The following GLIS3 variants were observed in gnomAD, a reference collection of about 807,000 sequenced individuals.
The protein encoded by GLIS3 is zinc finger protein GLIS3.
In GLIS3, 53 loss-of-function variants were observed where a neutral mutation model predicts 78.6. The observed-to-expected ratio is 0.67, with a 90% confidence interval of 0.54 to 0.85. The LOEUF is 0.85. Among genes scored for constraint, GLIS3 ranks in the 40% least tolerant of loss-of-function variants. The pLI is 0.00. For missense variants in GLIS3, 1,703 were observed against 1,231.1 expected (o/e 1.38, Z -5.74); for synonymous variants, 684 against 509.9 (o/e 1.34, Z -4.60).
intron 2 of GLIS3, among the ~76,000 whole-genome samples, chr9:4,184,588 G>C (rs1817604935): frequency 6.6e-6 from 1 of 152,182 alleles, no homozygotes; most frequent in East Asian, 1.9e-4. Flanking sequence ...CAATGTGTTT[G>C]CTTAAAAGAG....
chr9:4,006,329 A>C (rs1000197152), intron 4 of GLIS3, among the ~76,000 whole-genome samples: 2 of 150,098 alleles, frequency 1.3e-5, no homozygotes, highest in Admixed American at 1.3e-4. Flanking sequence ...AAAAAAAAAA[A>C]CTAGAGTATT....
At chr9:4,136,023 C>G (rs7870193) in intron 2 of GLIS3, among the ~76,000 whole-genome samples, 3 of 151,946 alleles carry the variant, frequency 2.0e-5, no homozygotes, top group Non-Finnish European at 4.4e-5. Flanking sequence ...GGCTAAATGG[C>G]TACGAACACC....
At chr9:4,044,420 A>T (rs999280922) in intron 4 of GLIS3, among the ~76,000 whole-genome samples, 1 of 152,182 alleles carries the variant, frequency 6.6e-6, no homozygotes, top group African/African-American at 2.4e-5. Flanking sequence ...AAATTAACAC[A>T]TAGTCTCTCT....
intron 2 of GLIS3, among the ~76,000 whole-genome samples, chr9:4,265,502 G>A (rs925646576): frequency 1.3e-5 from 2 of 152,076 alleles, no homozygotes; most frequent in East Asian, 1.9e-4. Flanking sequence ...ACTATGCTGT[G>A]CTATATACTG....
At chr9:3,974,092 G>A (rs1396578710) in intron 4 of GLIS3, among the ~76,000 whole-genome samples, 2 of 152,140 alleles carry the variant, frequency 1.3e-5, no homozygotes, top group African/African-American at 4.8e-5. Flanking sequence ...CAAGTGAGAT[G>A]TGTAAAGCTC....
chr9:4,151,486 G>A (rs1434961966), intron 2 of GLIS3, among the ~76,000 whole-genome samples: 2 of 152,158 alleles, frequency 1.3e-5, no homozygotes, highest in African/African-American at 4.8e-5. Context: ...TTAGAAAGGG[G>A]GAAAGTCTAA....
At chr9:4,374,882 T>C in the GLIS3 span, among the ~76,000 whole-genome samples, 35 of 152,246 alleles carry the variant, frequency 2.3e-4, no homozygotes, top group Non-Finnish European at 2.8e-4. Context: ...TATTTTGCCA[T>C]CCATTTTTTT....
chr9:3,973,963 A>G (rs1366396077), intron 4 of GLIS3, among the ~76,000 whole-genome samples: 2 of 152,164 alleles, frequency 1.3e-5, no homozygotes, highest in Admixed American at 1.3e-4. Flanking sequence ...AGATTTCTTA[A>G]AAGAAAATTC....
the GLIS3 span, among the ~76,000 whole-genome samples, chr9:4,390,288 T>C: frequency 1.3e-5 from 2 of 152,250 alleles, 1 homozygote; most frequent in East Asian, 3.8e-4. Flanking sequence ...TACTTTGCAC[T>C]ATGTGCAGGA....
At position 4,114,293 on chromosome 9, in the gene GLIS3, C is replaced by T. The variant is rs116070692; in HGVS notation, c.1710+3475G>A. Among the ~76,000 whole-genome samples the T allele has an allele frequency of 7.7e-3, 1,169 of 152,208 alleles. 17 individuals carry two copies. Among genetic ancestry groups the T allele is most frequent in the African/African-American group, 0.027 (1,115 of 41,530 alleles). On this transcript the variant is annotated intron_variant, in intron 4 of 10. Coordinates refer to ENST00000381971, the MANE Select transcript of GLIS3 (RefSeq NM_001042413.2). The stretch of plus-strand genomic sequence containing the variant: ...ATGGTAAAAAGATCTACAGTACAAA[C>T]GTTCTCAGGGTGCACTCTGTTGGAA...
rs74882060 is a variant in GLIS3, at chr9:4,234,239, T to C, written c.388+51799A>G. Among the ~76,000 whole-genome samples, 530 of 152,328 alleles carry C rather than the reference T, an allele frequency of 3.5e-3. 4 individuals carry two copies. The highest frequency in any genetic ancestry group is 0.012 in the African/African-American group (498 of 41,574). ...CAACTTGGCTAAATGTTTGACACAA[T>C]TGGTTTTAGACATGCCTTCCTCAAT... On this transcript the variant is annotated intron_variant, in intron 2 of 10. Transcript: ENST00000381971.
At chr9:4,173,597 CACACAT>C (rs1343954099) in intron 2 of GLIS3, among the ~76,000 whole-genome samples, 29 of 108,414 alleles carry the variant, frequency 2.7e-4, no homozygotes, top group East Asian at 1.5e-3. Context: ...CACACACACA[CACACAT>C]ATATATGTTT....
At chr9:4,332,334 C>G (rs938829515) in intron 2 of GLIS3, among the ~76,000 whole-genome samples, 2 of 152,216 alleles carry the variant, frequency 1.3e-5, no homozygotes, top group African/African-American at 4.8e-5. Context: ...TCATTACCCA[C>G]TATCACCTTC....
At chr9:4,087,281 C>T (rs10283679) in intron 4 of GLIS3, among the ~76,000 whole-genome samples, 67,562 of 151,900 alleles carry the variant, frequency 0.44, 15,018 homozygotes, top group African/African-American at 0.47. Context: ...CATGGATAAA[C>T]ATTTATTATT....
rs1225702372 is a variant in GLIS3, at chr9:4,229,266, A to C, written c.388+56772T>G. Reference sequence around the variant, plus strand: ...CGCTGAAATCGCTTTCACTTTGTGCAAAAATTTTACCATGCGCACATACTT... The same window carrying C: ...CGCTGAAATCGCTTTCACTTTGTGCCAAAATTTTACCATGCGCACATACTT... On this transcript the variant is annotated intron_variant, in intron 2 of 10. Coordinates refer to ENST00000381971, the MANE Select transcript of GLIS3 (RefSeq NM_001042413.2). Among the ~76,000 whole-genome samples the C allele has an allele frequency of 2.6e-5, 4 of 152,254 alleles. No homozygotes were observed. The East Asian group carries it at 7.7e-4, about 29-fold the overall frequency.
chr9:4,441,889 GC>G, the GLIS3 span, among the ~76,000 whole-genome samples: 1 of 152,178 alleles, frequency 6.6e-6, no homozygotes, highest in East Asian at 1.9e-4. Context: ...ACAGGCGTGA[GC>G]CACCCACCGC....
rs1429295662 is a variant in GLIS3 at position 3,827,442 on chromosome 9, A to T, written c.*830T>A. The T allele has an allele frequency of 6.6e-6, 1 of 152,250 alleles. No homozygotes were observed. Among genetic ancestry groups the T allele is most frequent in the Non-Finnish European group, 1.5e-5 (1 of 68,104 alleles). 9.4% of individuals were successfully genotyped at this position (152,250 alleles called of 1,614,324 possible). A position where few individuals can be genotyped will look rare whatever the true frequency, so the allele number is the denominator to read the frequency against. ...AACTCAGGAAGGTTCCAGCTACAGG[A>T]CTGTTGGTGCGGGAGGTGCCCACTC... is the stretch of plus-strand genomic sequence containing the variant. On this transcript the variant is annotated 3_prime_UTR_variant, in exon 11 of 11. Transcript: ENST00000381971.
chr9:4,195,567 GC>G (rs1312816226), intron 2 of GLIS3, among the ~76,000 whole-genome samples: 1 of 152,242 alleles, frequency 6.6e-6, no homozygotes. Flanking sequence ...AGCCCGCCAT[GC>G]CCGAGCTCCC....
upstream of GLIS3, among the ~76,000 whole-genome samples, chr9:4,301,181 G>T (rs929600790): frequency 2.6e-5 from 4 of 152,128 alleles, no homozygotes; most frequent in Non-Finnish European, 5.9e-5. Context: ...GGTTTCCACA[G>T]TACTTTTTCT....
Sources: allele counts gnomAD v4.1 joint callset (sites outside exome capture counted in the v4.1 genomes callset), GRCh38; gene constraint gnomAD v4.1.1; transcripts MANE v1.5; gene names NCBI Gene and HGNC (gene_info 2026-07-23, HGNC 2026-07-21).